Variants in TUSC3 observed in about 807,000 individuals in gnomAD.
TUSC3 encodes dolichyl-diphosphooligosaccharide--protein glycosyltransferase subunit TUSC3.
In TUSC3, 45 loss-of-function variants were observed where a neutral mutation model predicts 44.8. The observed-to-expected ratio is 1.00, with a 90% CI of 0.79 to 1.29. TUSC3 has a LOEUF of 1.29. TUSC3 is among the 50% of genes most tolerant of loss of function. The pLI, the probability that TUSC3 is intolerant of heterozygous loss-of-function variation, is 0.00. For synonymous variants in TUSC3, 212 were observed against 152.9 expected (o/e 1.39, Z -2.85); for missense variants, 519 against 437.9 (o/e 1.19, Z -1.65).
At chr8:15,571,055 C>T (rs1282696936) in intron 1 of TUSC3, among the ~76,000 whole-genome samples, 1 of 144,106 alleles carries the variant, frequency 6.9e-6, no homozygotes, top group Admixed American at 7.3e-5. Context: ...CTCCTAGGTT[C>T]AAGGGATTCT....
In TUSC3 at chr8:15,743,731, A is replaced by T. The variant is rs1811292023; in HGVS notation, c.937+119A>T. ...ACTTCTAAAGAAATGTTCTGGTTTG[A>T]AGAAGATTTTAACTTTTTTCTATTG... On this transcript the variant is annotated intron_variant, in intron 8 of 10. Transcript: ENST00000503731. The T allele has an allele frequency of 3.4e-6, 4 of 1,160,576 alleles. No homozygotes were observed. In the Admixed American group the frequency reaches 7.0e-5, roughly 20 times the overall value. 71.9% of individuals were successfully genotyped at this position (1,160,576 alleles called of 1,614,324 possible).
chr8:15,622,582 C>T (rs1200740943), intron 1 of TUSC3, among the ~76,000 whole-genome samples: 1 of 152,212 alleles, frequency 6.6e-6, no homozygotes, highest in East Asian at 1.9e-4. Flanking sequence ...TAGCACAGTA[C>T]ATCAGTTTTT....
intron 3 of TUSC3, among the ~76,000 whole-genome samples, chr8:15,656,733 A>G (rs908920234): frequency 9.2e-5 from 14 of 152,302 alleles, no homozygotes; most frequent in Non-Finnish European, 8.8e-5. Context: ...GCTGCTGTAG[A>G]TCCACTAAGG....
intron 5 of TUSC3, among the ~76,000 whole-genome samples, chr8:15,672,827 C>G (rs986676423): frequency 6.6e-6 from 1 of 151,856 alleles, no homozygotes; most frequent in Non-Finnish European, 1.5e-5. Context: ...ATTTAGACTC[C>G]CAGTCGTGCA....
chr8:15,747,901 C>G (rs879047269), intron 8 of TUSC3, among the ~76,000 whole-genome samples: 1 of 152,046 alleles, frequency 6.6e-6, no homozygotes, highest in Non-Finnish European at 1.5e-5. Flanking sequence ...CAATACTAAC[C>G]AAAAACCTAA....
intron 2 of TUSC3, among the ~76,000 whole-genome samples, chr8:15,644,258 C>T (rs1425249306): frequency 1.3e-5 from 2 of 152,118 alleles, no homozygotes; most frequent in Admixed American, 1.3e-4. Flanking sequence ...TTGCCTAAGC[C>T]TTCCTGGATC....
chr8:15,428,486 G>A (rs1799833411), intron 1 of TUSC3, among the ~76,000 whole-genome samples: 1 of 152,076 alleles, frequency 6.6e-6, no homozygotes, highest in South Asian at 2.1e-4. Flanking sequence ...TATATACCCA[G>A]TAATGGGATG....
chr8:15,492,124 T>G (rs1020414421), intron 2 of TUSC3, among the ~76,000 whole-genome samples: 1 of 152,154 alleles, frequency 6.6e-6, no homozygotes, highest in African/African-American at 2.4e-5. Context: ...TATGGCAGTC[T>G]TTTTGGCTGC....
chr8:15,819,273 T>C, the TUSC3 span, among the ~76,000 whole-genome samples: 1 of 152,182 alleles, frequency 6.6e-6, no homozygotes, highest in East Asian at 1.9e-4. Flanking sequence ...TTGTGCACCA[T>C]TTAACATATT....
At chr8:15,754,370 T>C (rs1563206973) in intron 9 of TUSC3, among the ~76,000 whole-genome samples, 1 of 151,742 alleles carries the variant, frequency 6.6e-6, no homozygotes, top group Admixed American at 6.6e-5. Flanking sequence ...AGGAGAAAAA[T>C]AGTTTCTCAA....
chr8:15,509,860 A>G (rs548986219), intron 2 of TUSC3, among the ~76,000 whole-genome samples: 52 of 152,316 alleles, frequency 3.4e-4, no homozygotes, highest in African/African-American at 1.2e-3. Context: ...CAAAATATGT[A>G]TTTTTGAAAT....
chr8:15,510,843 A>C (rs760956612), intron 2 of TUSC3, among the ~76,000 whole-genome samples: 59 of 152,316 alleles, frequency 3.9e-4, no homozygotes, highest in Non-Finnish European at 7.5e-4. Flanking sequence ...ATGTTAGCAA[A>C]TTTAATTTAA....
the TUSC3 span, among the ~76,000 whole-genome samples, chr8:15,818,937 T>C: frequency 6.6e-6 from 1 of 152,272 alleles, no homozygotes; most frequent in East Asian, 1.9e-4. Flanking sequence ...AATTCATTCC[T>C]TGTGGGTCTC....
chr8:15,554,830 C>G (rs545454430), intron 1 of TUSC3, among the ~76,000 whole-genome samples: 1 of 151,028 alleles, frequency 6.6e-6, no homozygotes, highest in Admixed American at 6.6e-5. Context: ...TGGTGTCGAT[C>G]TCCTGACCTC....
At chr8:15,830,785 T>C in the TUSC3 span, among the ~76,000 whole-genome samples, 72 of 152,028 alleles carry the variant, frequency 4.7e-4, no homozygotes, top group African/African-American at 1.7e-3. Flanking sequence ...GGGATCAGGG[T>C]TGAAAAATTA....
upstream of TUSC3, among the ~76,000 whole-genome samples, chr8:15,536,614 G>A (rs550934678): frequency 3.0e-4 from 44 of 145,298 alleles, no homozygotes; most frequent in African/African-American, 1.0e-3. Flanking sequence ...CCTGGGAGGC[G>A]GAGGTTGCAG....
At chr8:15,607,075 C>G (rs914031222) in intron 1 of TUSC3, among the ~76,000 whole-genome samples, 1 of 152,054 alleles carries the variant, frequency 6.6e-6, no homozygotes, top group East Asian at 1.9e-4. Context: ...AGCTTTTACC[C>G]TGTGCTGTTC....
chr8:15,423,135 A>G (rs1799759077), intron 1 of TUSC3, among the ~76,000 whole-genome samples: 2 of 152,102 alleles, frequency 1.3e-5, no homozygotes, highest in Admixed American at 6.6e-5. Context: ...ATAATGTTGG[A>G]CCTTTCCATT....
At chr8:15,438,181 G>C (rs553299773) in intron 1 of TUSC3, among the ~76,000 whole-genome samples, 1 of 152,044 alleles carries the variant, frequency 6.6e-6, no homozygotes, top group Non-Finnish European at 1.5e-5. Flanking sequence ...TGCAATCTCC[G>C]TCTCCTGGGT....
Sources: allele counts gnomAD v4.1 joint callset (sites outside exome capture counted in the v4.1 genomes callset), GRCh38; gene constraint gnomAD v4.1.1; transcripts MANE v1.5; gene names NCBI Gene and HGNC (gene_info 2026-07-23, HGNC 2026-07-21).